The following FAM240B variants were observed in gnomAD, a reference collection of about 807,000 sequenced individuals.
The protein encoded by FAM240B is family with sequence similarity 240 member B.
intron 2 of FAM240B, among the ~76,000 whole-genome samples, chr9:38,702,682 T>C (rs979035956): frequency 1.3e-5 from 2 of 152,184 alleles, no homozygotes; most frequent in African/African-American, 4.8e-5. Context: ...GCAGACTCCT[T>C]GGAATAGAAC....
At position 38,701,576 on chromosome 9, in the gene FAM240B, G is replaced by A. The variant is rs555990179; in HGVS notation, c.143+2281C>T. 2.8e-4 allele frequency among the ~76,000 whole-genome samples: 43 copies of A among 152,254 alleles called. 1 individual carries two copies. The South Asian group carries it at 8.7e-3, about 31-fold the overall frequency. On this transcript the variant is annotated intron_variant, in intron 2 of 2. Transcript: ENST00000637493. ...CTGGTGGGTGGCCTCGAGGCTGAAGGAGAGACCACAGGGAGCCTCGCTTCC... is the reference window on the plus strand; with the variant it reads ...CTGGTGGGTGGCCTCGAGGCTGAAGAAGAGACCACAGGGAGCCTCGCTTCC...
chr9:38,713,084 C>T (rs12686281), intron 1 of FAM240B, among the ~76,000 whole-genome samples: 13,487 of 152,206 alleles, frequency 0.089, 606 homozygotes, highest in South Asian at 0.13. Context: ...CTCAGGGAGC[C>T]TTGCTGACTA....
In FAM240B at chr9:38,713,481, C is replaced by CAAAAAAA. The variant is rs77404875; in HGVS notation, c.-4+6534_-4+6540dup. Among the ~76,000 whole-genome samples the CAAAAAAA allele has an allele frequency of 7.3e-3, 602 of 82,720 alleles. 3 individuals are homozygous for CAAAAAAA. Among genetic ancestry groups the CAAAAAAA allele is most frequent in the East Asian group, 0.011 (26 of 2,304 alleles). The allele number at this position is 82,720 out of a possible 152,430, so 54.3% of individuals were successfully genotyped here. A position where few individuals can be genotyped will look rare whatever the true frequency, so the allele number is the denominator to read the frequency against. On this transcript the variant is annotated intron_variant, in intron 1 of 2. Coordinates refer to ENST00000637493, the MANE Select transcript of FAM240B (RefSeq NM_001394922.1). ...CTACAGAGTGAGACTCCGTTTCAAA[C>CAAAAAAA]AAAAAAAAAAAAAAAAAAAAAAAAG...
chr9:38,708,752 G>T (rs1757732564), intron 1 of FAM240B, among the ~76,000 whole-genome samples: 1 of 152,184 alleles, frequency 6.6e-6, no homozygotes, highest in Non-Finnish European at 1.5e-5. Flanking sequence ...TCCCTGGCAA[G>T]CATCAAAAGT....
intron 2 of FAM240B, among the ~76,000 whole-genome samples, chr9:38,701,196 C>T (rs536082363): frequency 1.2e-4 from 18 of 152,062 alleles, no homozygotes; most frequent in African/African-American, 4.1e-4. Context: ...TGGGCATTTG[C>T]GTATAGTGGA....
At chr9:38,709,373 C>A (rs1821226345) in intron 1 of FAM240B, among the ~76,000 whole-genome samples, 1 of 152,162 alleles carries the variant, frequency 6.6e-6, no homozygotes, top group Non-Finnish European at 1.5e-5. Context: ...GAATTGATAG[C>A]AATTTTAGAA....
chr9:38,718,396 T>A (rs558684946), intron 1 of FAM240B, among the ~76,000 whole-genome samples: 1 of 152,336 alleles, frequency 6.6e-6, no homozygotes, highest in East Asian at 1.9e-4. Context: ...TAGCAGAACT[T>A]CTTCTGTAGA....
chr9:38,718,648 T>C (rs937520677), intron 1 of FAM240B, among the ~76,000 whole-genome samples: 3 of 152,168 alleles, frequency 2.0e-5, no homozygotes, highest in African/African-American at 7.2e-5. Context: ...AGTTCAATTT[T>C]GCATCAAAAA....
intron 1 of FAM240B, among the ~76,000 whole-genome samples, chr9:38,713,477 C>CA (rs1311208821): frequency 0.032 from 443 of 13,830 alleles, 2 homozygotes; most frequent in African/African-American, 0.058. Context: ...GACTCCGTTT[C>CA]AAACAAAAAA....
intron 1 of FAM240B, among the ~76,000 whole-genome samples, chr9:38,705,873 C>A (rs1235574952): frequency 6.6e-6 from 1 of 152,062 alleles, no homozygotes; most frequent in Non-Finnish European, 1.5e-5. Flanking sequence ...CTTCCAATCA[C>A]CTGCTTATTT....
intron 1 of FAM240B, among the ~76,000 whole-genome samples, chr9:38,706,139 T>G (rs1252978798): frequency 6.6e-6 from 1 of 152,238 alleles, no homozygotes; most frequent in African/African-American, 2.4e-5. Flanking sequence ...ATTTTTAAAT[T>G]GACAAATAAA....
intron 1 of FAM240B, among the ~76,000 whole-genome samples, chr9:38,711,518 T>G (rs73454415): frequency 0.089 from 13,502 of 152,276 alleles, 643 homozygotes; most frequent in Middle Eastern, 0.11. Context: ...CCGTTCCTCT[T>G]TCACCTTCTC....
chr9:38,700,962 T>C (rs893996095), intron 2 of FAM240B, among the ~76,000 whole-genome samples: 13 of 152,332 alleles, frequency 8.5e-5, no homozygotes, highest in African/African-American at 3.1e-4. Context: ...CTTGCCAGAT[T>C]AGCCCAGCAG....
chr9:38,707,154 C>A (rs1222263011), intron 1 of FAM240B, among the ~76,000 whole-genome samples: 1 of 152,086 alleles, frequency 6.6e-6, no homozygotes, highest in East Asian at 1.9e-4. Context: ...ATTGCAAGTT[C>A]ATATTGGGTA....
At chr9:38,716,897 T>C (rs1025400565) in intron 1 of FAM240B, among the ~76,000 whole-genome samples, 2 of 152,232 alleles carry the variant, frequency 1.3e-5, no homozygotes, top group Admixed American at 6.5e-5. Context: ...ATGAGTGATC[T>C]CTGTCATCCT....
chr9:38,707,314 G>A lies in FAM240B; in HGVS notation c.-3-3312C>T, dbSNP rs141101338. Among the ~76,000 whole-genome samples the A allele has an allele frequency of 3.2e-3, 480 of 152,198 alleles. 4 individuals carry two copies. The highest frequency in any genetic ancestry group is 0.011 in the African/African-American group (451 of 41,530). ...GCAGGAACACAGCCTGCTCACATCC[G>A]CACGGCATTTTACATCCTCTCTGTT... On this transcript the variant is annotated intron_variant, in intron 1 of 2. Transcript: ENST00000637493.
chr9:38,699,145 G>C (rs1319108515), intron 2 of FAM240B, among the ~76,000 whole-genome samples: 1 of 152,142 alleles, frequency 6.6e-6, no homozygotes, highest in Non-Finnish European at 1.5e-5. Flanking sequence ...ACTATTTCTT[G>C]TTCTAGATTC....
intron 2 of FAM240B, among the ~76,000 whole-genome samples, chr9:38,702,258 A>G (rs1821137601): frequency 6.6e-6 from 1 of 152,212 alleles, no homozygotes; most frequent in African/African-American, 2.4e-5. Flanking sequence ...CCATTAGGCC[A>G]CCAGGAGTGT....
chr9:38,711,311 T>G (rs1354658320), intron 1 of FAM240B, among the ~76,000 whole-genome samples: 2 of 152,228 alleles, frequency 1.3e-5, no homozygotes, highest in Non-Finnish European at 2.9e-5. Context: ...CTTCCACAGG[T>G]GCAGGGGACT....
Sources: gnomAD v4.1 joint callset for allele counts (sites outside exome capture counted in the v4.1 genomes callset) on GRCh38, gnomAD v4.1.1 for gene constraint, MANE v1.5 for transcripts, NCBI Gene and HGNC (gene_info 2026-07-23, HGNC 2026-07-21) for gene names.